The following DLGAP5 variants were observed in gnomAD, a reference collection of about 807,000 sequenced individuals.
DLGAP5 encodes the protein DLG associated protein 5, also known as disks large-associated protein 5.
A neutral mutation model predicts 99.6 loss-of-function variants in DLGAP5; 90 were observed. The ratio of observed to expected loss-of-function variants is 0.90; its 90% CI spans 0.76 to 1.08. The LOEUF (loss-of-function observed/expected upper bound fraction) is 1.08. DLGAP5 is among the 50% of genes least tolerant of loss of function. The pLI is 0.00. For missense variants in DLGAP5, 1,036 were observed against 983.5 expected (o/e 1.05, Z -0.71); for synonymous variants, 311 against 321.3 (o/e 0.97, Z 0.34).
chr14:55,148,752 A>C, intron 18 of DLGAP5: 2 of 465,956 alleles, frequency 4.3e-6, no homozygotes, highest in Non-Finnish European at 7.8e-6. Context: ...ATAAACAACA[A>C]TGATTATGCT....
chr14:55,164,795 A>G (rs1165548313), intron 12 of DLGAP5, among the ~76,000 whole-genome samples: 16 of 151,636 alleles, frequency 1.1e-4, no homozygotes, highest in Admixed American at 2.0e-4. Flanking sequence ...GGTGGCATGC[A>G]CCTGTAATCC....
intron 13 of DLGAP5, among the ~76,000 whole-genome samples, 195 bp downstream of exon 13, chr14:55,162,776 C>T (rs1465380549): frequency 2.6e-5 from 4 of 152,030 alleles, no homozygotes; most frequent in African/African-American, 7.2e-5. Context: ...TTTCCTTGCT[C>T]TTTCTTCAAA....
chr14:55,162,048 A>T (rs1882463034), intron 13 of DLGAP5, among the ~76,000 whole-genome samples: 2 of 152,002 alleles, frequency 1.3e-5, no homozygotes, highest in South Asian at 4.1e-4. Context: ...CATTTTTCTC[A>T]TATCATAAAG....
intron 6 of DLGAP5, 36 bp from the exon 7 acceptor site, chr14:55,179,735 G>A (rs761447715): frequency 2.4e-5 from 36 of 1,529,610 alleles, no homozygotes; most frequent in Non-Finnish European, 3.0e-5. Context: ...TTACTAGATA[G>A]AAATGCTACA....
At chr14:55,166,857 C>A (rs1388290356) in intron 12 of DLGAP5, among the ~76,000 whole-genome samples, 2 of 150,638 alleles carry the variant, frequency 1.3e-5, no homozygotes, top group Non-Finnish European at 1.5e-5. Flanking sequence ...GTAAATTATA[C>A]CTCATATAGC....
intron 10 of DLGAP5, among the ~76,000 whole-genome samples, chr14:55,173,040 T>C (rs139992252): frequency 6.7e-6 from 1 of 149,464 alleles, no homozygotes; most frequent in East Asian, 2.0e-4. Context: ...TCTGACATTA[T>C]CTAGTTAGGT....
At position 55,180,679 on chromosome 14, in the gene DLGAP5, T is replaced by A. The variant is rs762782971; in HGVS notation, c.680A>T (p.Lys227Met). Residue 227 changes from lysine (K) to methionine (M), a missense_variant, in exon 6 of 19, where the codon AAG becomes ATG. Lys to Met is a moderately conservative substitution (Grantham distance 95, BLOSUM62 -1). Coordinates refer to ENST00000247191, the MANE Select transcript of DLGAP5 (RefSeq NM_014750.5). ...PRTVSSTTARKPVTRAANENE... is the reference protein window; with the variant it reads ...PRTVSSTTARMPVTRAANENE... ...ACCATTAGCAGCTCTTGTGACTGGC[T>A]TTCTTGCTGTGGTAGATGAGACTGT... The A allele has an allele frequency of 3.0e-5, 48 of 1,614,206 alleles. No individual in the cohort carries two copies. Among genetic ancestry groups the A allele is most frequent in the Non-Finnish European group, 3.9e-5 (46 of 1,180,026 alleles).
intron 11 of DLGAP5, among the ~76,000 whole-genome samples, chr14:55,169,831 C>T (rs1040981242): frequency 4.6e-5 from 7 of 152,332 alleles, no homozygotes; most frequent in African/African-American, 1.7e-4. Flanking sequence ...AACTCAACGT[C>T]AGCCGGTGTG....
intron 12 of DLGAP5, among the ~76,000 whole-genome samples, chr14:55,163,911 A>G (rs1027628176): frequency 2.6e-5 from 4 of 152,096 alleles, no homozygotes; most frequent in African/African-American, 9.7e-5. Flanking sequence ...AGCTCTTTGT[A>G]TCTTTTGGAT....
chr14:55,181,599 T>C (rs1227161438), intron 4 of DLGAP5, among the ~76,000 whole-genome samples: 2 of 152,194 alleles, frequency 1.3e-5, no homozygotes, highest in African/African-American at 4.8e-5. Context: ...ATACTTTCAC[T>C]TCAAGACCTT....
At chr14:55,184,205 C>T (rs1883361907) in intron 2 of DLGAP5, among the ~76,000 whole-genome samples, 1 of 152,042 alleles carries the variant, frequency 6.6e-6, no homozygotes, top group Non-Finnish European at 1.5e-5. Context: ...CACCTGTAGT[C>T]CCATCTACTG....
At chr14:55,178,162 G>C (rs759835813) in intron 7 of DLGAP5, among the ~76,000 whole-genome samples, 1 of 151,956 alleles carries the variant, frequency 6.6e-6, no homozygotes, top group Non-Finnish European at 1.5e-5. Flanking sequence ...TGAGGCAGGA[G>C]AATGGTGAGA....
rs1305270068 is a variant in DLGAP5, at chr14:55,177,158, T to G, written c.953A>C (p.Asp318Ala). 1.9e-6 allele frequency: 3 copies of G among 1,611,722 alleles called. No individual in the cohort carries two copies. The highest frequency in any genetic ancestry group is 1.7e-6 in the Non-Finnish European group (2 of 1,179,052). ...APKDFMFQPL[D>A]GLKTYQVTPM... ...TGTTACTTGATAGGTCTTCAGACCA[T>G]CCAGTGGCTGAAACATAAAATCCTT... Residue 318 changes from aspartate to alanine, a missense_variant, in exon 8 of 19, where the codon GAT becomes GCT. By Grantham distance (126) the Asp-to-Ala change is moderately radical. Transcript: ENST00000247191.
Position 55,181,237 on chromosome 14 carries a change from T to G in DLGAP5, c.556A>C (p.Lys186Gln), listed in dbSNP as rs768288307. The change falls in exon 5 of 19, where the codon AAA becomes CAA. Residue 186 changes from lysine to glutamine, a missense_variant. By Grantham distance (53) the Lys-to-Gln change is moderately conservative. Coordinates refer to ENST00000247191, the MANE Select transcript of DLGAP5 (RefSeq NM_014750.5). ...CCTTTTTTCTCTTTGTCTGACACTT[T>G]CTTTTCAGAAGTTTGTCTTGGACCA... ...RPGPRQTSEK[K>Q]VSDKEKKVVQ... is the part of the protein sequence containing the mutation. 3 of 1,614,184 alleles carry G rather than the reference T, an allele frequency of 1.9e-6. No individual in the cohort carries two copies. In the East Asian group the frequency reaches 6.7e-5, roughly 36 times the overall value.
At chr14:55,186,920 C>CT (rs1173607709) in intron 2 of DLGAP5, among the ~76,000 whole-genome samples, 6 of 151,952 alleles carry the variant, frequency 3.9e-5, no homozygotes, top group South Asian at 2.1e-4. Context: ...TTTCCCTTGT[C>CT]TTTTTTTTGA....
chr14:55,164,251 G>C (rs570674555), intron 12 of DLGAP5, among the ~76,000 whole-genome samples: 126 of 152,108 alleles, frequency 8.3e-4, no homozygotes, highest in African/African-American at 2.9e-3. Flanking sequence ...CAGGGGGATT[G>C]CTTGAACCGA....
chr14:55,154,932 A>G (rs1460763422), intron 14 of DLGAP5, 126 bp from the exon 15 acceptor site: 2 of 784,140 alleles, frequency 2.6e-6, no homozygotes. Flanking sequence ...TTAAAGACAA[A>G]TGCCTGGGAC....
At chr14:55,170,537 CACTT>C (rs1299060852) in intron 11 of DLGAP5, among the ~76,000 whole-genome samples, 161 bp downstream of exon 11, 1 of 152,052 alleles carries the variant, frequency 6.6e-6, no homozygotes, top group Non-Finnish European at 1.5e-5. Flanking sequence ...ATATGAAAAA[CACTT>C]GCTACTTTAT....
At chr14:55,184,991 C>CT (rs1352388951) in intron 2 of DLGAP5, among the ~76,000 whole-genome samples, 1 of 152,164 alleles carries the variant, frequency 6.6e-6, no homozygotes, top group Non-Finnish European at 1.5e-5. Context: ...TAGATGTACT[C>CT]TATTTCTTCT....
Sources: allele counts gnomAD v4.1 joint callset (sites outside exome capture counted in the v4.1 genomes callset), GRCh38; gene constraint gnomAD v4.1.1; transcripts MANE v1.5; gene names NCBI Gene and HGNC (gene_info 2026-07-23, HGNC 2026-07-21).